SLMAP: variants seen among roughly 807,000 people sequenced by gnomAD.
The protein encoded by SLMAP is sarcolemmal membrane-associated protein.
A neutral mutation model predicts 128.8 loss-of-function variants in SLMAP; 44 were observed. That is an observed-to-expected ratio of 0.34 (90% CI 0.27 to 0.44). The LOEUF (loss-of-function observed/expected upper bound fraction) is 0.44, where lower values mean the gene tolerates loss of function less well. Ranked by LOEUF, SLMAP falls within the 20% of genes least tolerant of loss-of-function variation. The pLI, the probability that SLMAP is intolerant of heterozygous loss-of-function variation, is 1.00. For missense variants in SLMAP, 787 were observed against 985.3 expected, an observed-to-expected ratio of 0.80 and a Z score of 2.69; for synonymous variants, 327 against 348.8, an observed-to-expected ratio of 0.94 and a Z score of 0.70.
At chr3:57,854,914 A>G (rs1203257829) in intron 6 of SLMAP, among the ~76,000 whole-genome samples, 1 of 152,210 alleles carries the variant, frequency 6.6e-6, no homozygotes, top group Non-Finnish European at 1.5e-5. Context: ...TTGTACTTAC[A>G]TAACCTAGAT....
intron 14 of SLMAP, among the ~76,000 whole-genome samples, chr3:57,889,389 A>G (rs1186214236): frequency 6.6e-6 from 1 of 152,206 alleles, no homozygotes; most frequent in African/African-American, 2.4e-5. Flanking sequence ...CTTCACATAT[A>G]TTACAAATGA....
intron 2 of SLMAP, among the ~76,000 whole-genome samples, chr3:57,760,175 AG>A (rs371722437): frequency 3.0e-4 from 46 of 152,192 alleles, no homozygotes; most frequent in African/African-American, 1.1e-3. Flanking sequence ...CCTGACCTCA[AG>A]TGATCCACCC....
intron 2 of SLMAP, among the ~76,000 whole-genome samples, chr3:57,769,689 CAGTG>C (rs2080442586): frequency 6.6e-6 from 1 of 152,162 alleles, no homozygotes; most frequent in Non-Finnish European, 1.5e-5. Context: ...AAGTAGAAGA[CAGTG>C]AGTGAGTATT....
intron 4 of SLMAP, among the ~76,000 whole-genome samples, chr3:57,841,750 T>C (rs575416206): frequency 2.6e-5 from 4 of 152,292 alleles, no homozygotes; most frequent in East Asian, 3.9e-4. Flanking sequence ...CTGGTATTAA[T>C]GCCAGTGTCA....
intron 13 of SLMAP, 152 bp from the exon 14 acceptor site, chr3:57,871,484 C>A: frequency 1.7e-6 from 1 of 588,956 alleles, no homozygotes; most frequent in Non-Finnish European, 3.0e-6. Context: ...CATTTAACTC[C>A]AAAATATGTC....
chr3:57,861,367 A>C (rs1476633511), intron 9 of SLMAP, among the ~76,000 whole-genome samples: 1 of 152,206 alleles, frequency 6.6e-6, no homozygotes, highest in Non-Finnish European at 1.5e-5. Context: ...AATTCATAAT[A>C]TAGATCTTTT....
chr3:57,905,611 A>T (rs1033260632), intron 17 of SLMAP, among the ~76,000 whole-genome samples: 1 of 152,118 alleles, frequency 6.6e-6, no homozygotes, highest in East Asian at 1.9e-4. Context: ...ACCTGTTTTC[A>T]TATCTGTAAT....
intron 14 of SLMAP, among the ~76,000 whole-genome samples, chr3:57,883,322 C>T (rs1001731947): frequency 1.3e-5 from 2 of 152,110 alleles, no homozygotes; most frequent in Non-Finnish European, 2.9e-5. Flanking sequence ...GGACAATGGA[C>T]AATAGGGTCC....
intron 2 of SLMAP, among the ~76,000 whole-genome samples, chr3:57,792,600 T>C (rs2085733168): frequency 6.6e-6 from 1 of 152,160 alleles, no homozygotes; most frequent in South Asian, 2.1e-4. Flanking sequence ...TTCTATATTG[T>C]GTGTTCCTTT....
chr3:57,781,872 A>G (rs905762482), intron 2 of SLMAP, among the ~76,000 whole-genome samples: 1 of 151,404 alleles, frequency 6.6e-6, no homozygotes, highest in Non-Finnish European at 1.5e-5. Context: ...AGCTGGGATT[A>G]TAGGCATGCA....
At chr3:57,758,891 C>T (rs2078084652) in intron 2 of SLMAP, among the ~76,000 whole-genome samples, 1 of 152,206 alleles carries the variant, frequency 6.6e-6, no homozygotes, top group African/African-American at 2.4e-5. Context: ...ACTAATAGGA[C>T]TGTCTCAGGT....
chr3:57,926,002 T>C (rs547336199), intron 24 of SLMAP, 68 bp downstream of exon 24: 7 of 1,106,680 alleles, frequency 6.3e-6, no homozygotes, highest in South Asian at 5.3e-5. Context: ...ATTTGTAATA[T>C]AGTGCATGGC....
intron 2 of SLMAP, among the ~76,000 whole-genome samples, chr3:57,765,510 T>C (rs1435472109): frequency 6.6e-6 from 1 of 152,166 alleles, no homozygotes; most frequent in Non-Finnish European, 1.5e-5. Flanking sequence ...AAGGAAGACA[T>C]TGTGAAGAGC....
intron 17 of SLMAP, chr3:57,900,417 C>G (rs1352521732): frequency 6.6e-6 from 1 of 152,142 alleles, no homozygotes; most frequent in Admixed American, 6.6e-5. Context: ...GAAACCATCT[C>G]CCATAAAACG....
chr3:57,844,229 C>T (rs1229459487), intron 4 of SLMAP, among the ~76,000 whole-genome samples: 1 of 151,956 alleles, frequency 6.6e-6, no homozygotes, highest in Non-Finnish European at 1.5e-5. Context: ...CCCGTCTCTA[C>T]TAAAAATACA....
chr3:57,913,440 C>G (rs1559543990), intron 21 of SLMAP, among the ~76,000 whole-genome samples, 165 bp downstream of exon 21: 1 of 149,294 alleles, frequency 6.7e-6, no homozygotes, highest in Non-Finnish European at 1.5e-5. Flanking sequence ...AATACTTCAG[C>G]TTTTTTTTTT....
chr3:57,915,309 A>G (rs964197357), intron 21 of SLMAP, among the ~76,000 whole-genome samples: 2 of 152,244 alleles, frequency 1.3e-5, no homozygotes, highest in African/African-American at 2.4e-5. Context: ...ACTCCTAGTG[A>G]GTAGAAGCAC....
chr3:57,857,063 G>GTA (rs1268491287), intron 6 of SLMAP, among the ~76,000 whole-genome samples: 1 of 152,126 alleles, frequency 6.6e-6, no homozygotes, highest in Non-Finnish European at 1.5e-5. Context: ...GTGTGTGTGT[G>GTA]TATAAAATGC....
chr3:57,849,445 A>G (rs1394273441), intron 5 of SLMAP, among the ~76,000 whole-genome samples: 1 of 152,226 alleles, frequency 6.6e-6, no homozygotes, highest in Non-Finnish European at 1.5e-5. Flanking sequence ...TAAAAATACC[A>G]TTTTGAAGAT....
Sources: gnomAD v4.1 joint callset for allele counts (sites outside exome capture counted in the v4.1 genomes callset) on GRCh38, gnomAD v4.1.1 for gene constraint, MANE v1.5 for transcripts, NCBI Gene and HGNC (gene_info 2026-07-23, HGNC 2026-07-21) for gene names.